The following CCDC175 variants were observed in gnomAD, a reference collection of about 807,000 sequenced individuals.
The protein encoded by CCDC175 is coiled-coil domain-containing protein 175.
In CCDC175, 100 loss-of-function variants were observed where a neutral mutation model predicts 114.6. That is an observed-to-expected ratio of 0.87 (90% CI 0.74 to 1.03). The LOEUF (loss-of-function observed/expected upper bound fraction) is 1.03, where lower values mean the gene tolerates loss of function less well. CCDC175 is among the 50% of genes least tolerant of loss of function. The probability of loss-of-function intolerance (pLI) is 0.00; values close to 1 mark genes in which losing one functional copy is unlikely to be tolerated. For synonymous variants in CCDC175, 306 were observed against 308.7 expected, an observed-to-expected ratio of 0.99 and a Z score of 0.09; for missense variants, 880 against 917.8, an observed-to-expected ratio of 0.96 and a Z score of 0.53.
chr14:59,530,998 C>A (rs1894038336), intron 14 of CCDC175, among the ~76,000 whole-genome samples: 1 of 151,830 alleles, frequency 6.6e-6, no homozygotes, highest in African/African-American at 2.4e-5. Flanking sequence ...GACTCAAAAC[C>A]CAAAAAGATG....
intron 17 of CCDC175, among the ~76,000 whole-genome samples, chr14:59,518,022 C>T (rs1893206117): frequency 6.6e-6 from 1 of 152,110 alleles, no homozygotes; most frequent in Non-Finnish European, 1.5e-5. Context: ...TGCCGCATAT[C>T]TACAACCATC....
chr14:59,551,458 C>G lies in CCDC175; in HGVS notation c.954-22G>C, dbSNP rs553117061. ...ACACCTATGAACAAAGGAAGCCAAA[C>G]AGATTCATATAAGAACATACTTTTG... is the stretch of plus-strand genomic sequence containing the variant. On this transcript the variant is annotated intron_variant, in intron 7 of 19. Coordinates refer to ENST00000537690, the MANE Select transcript of CCDC175 (RefSeq NM_001164399.2). 4.7e-5 allele frequency: 58 copies of G among 1,236,352 alleles called. No individual in the cohort carries two copies. In the East Asian group the frequency reaches 1.5e-3, roughly 32 times the overall value. The allele number at this position is 1,236,352 out of a possible 1,614,324, so 76.6% of individuals were successfully genotyped here. A position where few individuals can be genotyped will look rare whatever the true frequency, so the allele number is the denominator to read the frequency against.
At chr14:59,556,835 C>T (rs1248267863) in intron 7 of CCDC175, among the ~76,000 whole-genome samples, 1 of 152,152 alleles carries the variant, frequency 6.6e-6, no homozygotes, top group Non-Finnish European at 1.5e-5. Flanking sequence ...CAAAAGAAGA[C>T]ATTTATGCAG....
intron 10 of CCDC175, among the ~76,000 whole-genome samples, chr14:59,543,069 C>T (rs957144896): frequency 6.6e-6 from 1 of 152,010 alleles, no homozygotes; most frequent in Non-Finnish European, 1.5e-5. Context: ...ATCAATGGGA[C>T]TCAGTGTTGT....
At chr14:59,559,181 A>G (rs1210170164) in intron 7 of CCDC175, among the ~76,000 whole-genome samples, 1 of 152,152 alleles carries the variant, frequency 6.6e-6, no homozygotes, top group African/African-American at 2.4e-5. Context: ...TAGGCCACAT[A>G]TTGGATGTCA....
intron 8 of CCDC175, among the ~76,000 whole-genome samples, chr14:59,546,379 G>A (rs931039646): frequency 1.3e-5 from 2 of 152,156 alleles, no homozygotes; most frequent in Non-Finnish European, 2.9e-5. Flanking sequence ...TTCACTACTT[G>A]GGTGACGGGA....
At chr14:59,544,923 C>T (rs1175276197) in intron 9 of CCDC175, among the ~76,000 whole-genome samples, 1 of 152,202 alleles carries the variant, frequency 6.6e-6, no homozygotes, top group Non-Finnish European at 1.5e-5. Context: ...CTCACTCAGA[C>T]TTCCAGCCTC....
chr14:59,571,914 TGA>T (rs1443098690), intron 3 of CCDC175, among the ~76,000 whole-genome samples: 38 of 152,198 alleles, frequency 2.5e-4, no homozygotes, highest in African/African-American at 9.2e-4. Context: ...ACATTTCCTT[TGA>T]GCATAATTTT....
chr14:59,548,030 A>G (rs1895223361), intron 8 of CCDC175, among the ~76,000 whole-genome samples: 2 of 152,194 alleles, frequency 1.3e-5, no homozygotes, highest in South Asian at 4.1e-4. Flanking sequence ...TATTCAGAGT[A>G]GCTAAGATGT....
chr14:59,575,170 C>A, intron 1 of CCDC175, 142 bp from the exon 2 acceptor site: 1 of 494,772 alleles, frequency 2.0e-6, no homozygotes. Flanking sequence ...ACACTAATCT[C>A]TTTTGTACTT....
At chr14:59,576,479 A>T in intron 1 of CCDC175, 140 bp downstream of exon 1, 1 of 785,404 alleles carries the variant, frequency 1.3e-6, no homozygotes. Context: ...CCCAGCCTCC[A>T]AGGAGCGGGG....
At chr14:59,522,957 G>C (rs887596878) in intron 16 of CCDC175, among the ~76,000 whole-genome samples, 5 of 151,364 alleles carry the variant, frequency 3.3e-5, no homozygotes, top group African/African-American at 1.2e-4. Flanking sequence ...TTGGGACTCA[G>C]TGCATGTTTA....
At chr14:59,550,193 G>A (rs570570833) in intron 8 of CCDC175, among the ~76,000 whole-genome samples, 37 of 152,238 alleles carry the variant, frequency 2.4e-4, no homozygotes, top group South Asian at 8.3e-4. Context: ...ACAGGCGTGA[G>A]CCACCATGAC....
chr14:59,548,881 G>A (rs2140062639), intron 8 of CCDC175, among the ~76,000 whole-genome samples: 1 of 152,284 alleles, frequency 6.6e-6, no homozygotes, highest in East Asian at 1.9e-4. Context: ...TCCCTGATGA[G>A]CCTCAGGGCA....
At chr14:59,532,109 A>G (rs1441799584) in intron 13 of CCDC175, among the ~76,000 whole-genome samples, 199 bp from the exon 14 acceptor site, 1 of 152,222 alleles carries the variant, frequency 6.6e-6, no homozygotes, top group Admixed American at 6.5e-5. Context: ...CTGACAATCC[A>G]CAAAGTAAGG....
intron 6 of CCDC175, among the ~76,000 whole-genome samples, chr14:59,563,454 T>C (rs891167542): frequency 6.6e-6 from 1 of 152,222 alleles, no homozygotes; most frequent in Non-Finnish European, 1.5e-5. Context: ...TATGTATCAA[T>C]ACATTTGGTT....
chr14:59,573,643 C>A (rs1254922318), intron 2 of CCDC175, among the ~76,000 whole-genome samples: 1 of 141,138 alleles, frequency 7.1e-6, no homozygotes, highest in Non-Finnish European at 1.5e-5. Flanking sequence ...GAGATGGAAT[C>A]TCACTCTGTT....
intron 3 of CCDC175, among the ~76,000 whole-genome samples, chr14:59,571,867 C>G (rs1896867011): frequency 6.6e-6 from 1 of 152,084 alleles, no homozygotes; most frequent in South Asian, 2.1e-4. Context: ...TGGAGTATCC[C>G]TAATCCAAAA....
rs771008213 is a variant in CCDC175, at chr14:59,514,537, G to A, written c.2099-2734C>T. 2.6e-5 allele frequency among the ~76,000 whole-genome samples: 4 copies of A among 152,212 alleles called. No homozygotes were observed. In the South Asian group the frequency reaches 6.2e-4, roughly 24 times the overall value. ...GACAAATGCATAAGCCTCAGTAGCC[G>A]ATTAGATCAACTGGAAGAAAGGCTA... On this transcript the variant is annotated intron_variant, in intron 17 of 19. Transcript: ENST00000537690.
Sources: gnomAD v4.1 joint callset for allele counts (sites outside exome capture counted in the v4.1 genomes callset) on GRCh38, gnomAD v4.1.1 for gene constraint, MANE v1.5 for transcripts, NCBI Gene and HGNC (gene_info 2026-07-23, HGNC 2026-07-21) for gene names.